The following STT3B variants were observed in gnomAD, a reference collection of about 807,000 sequenced individuals.
STT3B encodes the protein STT3 oligosaccharyltransferase complex catalytic subunit B, also known as dolichyl-diphosphooligosaccharide--protein glycosyltransferase subunit STT3B.
STT3B carries 29 observed loss-of-function variants against 96.8 expected under a neutral mutation model. The observed-to-expected ratio is 0.30, with a 90% CI of 0.22 to 0.41. STT3B has a LOEUF of 0.41. Ranked by LOEUF, STT3B falls within the 10% of genes least tolerant of loss-of-function variation. STT3B has a pLI of 1.00. For missense variants in STT3B, 640 were observed against 1,022.3 expected, an observed-to-expected ratio of 0.63 and a Z score of 5.10; for synonymous variants, 367 against 360.0, an observed-to-expected ratio of 1.02 and a Z score of -0.22.
chr3:31,574,582 T>C lies in STT3B; in HGVS notation c.315-1814T>C, dbSNP rs144038635. Among the ~76,000 whole-genome samples, 6 of 152,242 alleles carry C rather than the reference T, an allele frequency of 3.9e-5. No individual in the cohort carries two copies. In the East Asian group the frequency reaches 5.8e-4, roughly 15 times the overall value. On this transcript the variant is annotated intron_variant, in intron 1 of 15. Coordinates refer to ENST00000295770, the MANE Select transcript of STT3B (RefSeq NM_178862.3). Reference sequence around the variant, plus strand: ...GAAGATATCCCTTTTTAAATTCTGATCTGGTAAATACTTCTTGGAAGAGGA... The same window carrying C: ...GAAGATATCCCTTTTTAAATTCTGACCTGGTAAATACTTCTTGGAAGAGGA...
At chr3:31,569,830 A>G (rs1698096783) in intron 1 of STT3B, among the ~76,000 whole-genome samples, 1 of 151,982 alleles carries the variant, frequency 6.6e-6, no homozygotes, top group African/African-American at 2.4e-5. Flanking sequence ...GAGTGTGTGA[A>G]ATTTTCCATA....
At chr3:31,591,246 T>C (rs1164815333) in intron 3 of STT3B, among the ~76,000 whole-genome samples, 2 of 152,100 alleles carry the variant, frequency 1.3e-5, no homozygotes, top group Non-Finnish European at 2.9e-5. Flanking sequence ...CTAGGAATGT[T>C]GTCTTAAAAT....
intron 5 of STT3B, among the ~76,000 whole-genome samples, chr3:31,614,610 A>G (rs1699262430): frequency 6.6e-6 from 1 of 151,966 alleles, no homozygotes; most frequent in East Asian, 1.9e-4. Context: ...TATTTAACTC[A>G]TAGTACTATA....
intron 1 of STT3B, among the ~76,000 whole-genome samples, chr3:31,544,684 C>T (rs890538707): frequency 2.0e-5 from 3 of 152,288 alleles, no homozygotes; most frequent in South Asian, 4.1e-4. Flanking sequence ...AGCATTTGCA[C>T]GGGGCGCGGT....
intron 5 of STT3B, among the ~76,000 whole-genome samples, chr3:31,602,620 G>A (rs191142619): frequency 6.7e-5 from 10 of 150,106 alleles, no homozygotes; most frequent in African/African-American, 2.4e-4. Context: ...GATTTCAAAG[G>A]ATTAGAATTT....
At chr3:31,585,976 C>T (rs778753348) in intron 3 of STT3B, among the ~76,000 whole-genome samples, 9 of 152,022 alleles carry the variant, frequency 5.9e-5, no homozygotes, top group Non-Finnish European at 1.0e-4. Context: ...TGCATAAGCA[C>T]AGATTGGTGG....
In STT3B at chr3:31,617,019, G is replaced by C; in HGVS notation, c.1067G>C (p.Gly356Ala). The C allele has an allele frequency of 6.2e-7, 1 of 1,611,628 alleles. No individual in the cohort carries two copies. The highest frequency in any genetic ancestry group is 8.5e-7 in the Non-Finnish European group (1 of 1,178,226). The change falls in exon 7 of 16, where the codon GGT becomes GCT. Residue 356 changes from glycine to alanine, a missense_variant. Gly to Ala is a moderately conservative substitution (Grantham distance 60). Transcript: ENST00000295770. ...KQEFQTLFFLGVSLAAGAVFL... is the reference protein window; with the variant it reads ...KQEFQTLFFLAVSLAAGAVFL... Reference sequence around the variant, plus strand: ...GAGTTCCAGACCCTTTTCTTTTTGGGTGTATCACTAGCTGCAGGTGCTGTG... The same window carrying C: ...GAGTTCCAGACCCTTTTCTTTTTGGCTGTATCACTAGCTGCAGGTGCTGTG...
intron 7 of STT3B, 106 bp downstream of exon 7, chr3:31,617,181 T>TTTTTA: frequency 1.2e-6 from 1 of 808,148 alleles, no homozygotes; most frequent in Non-Finnish European, 1.7e-6. Flanking sequence ...CAAAGTGATT[T>TTTTTA]TTTTCTTTTT....
intron 5 of STT3B, among the ~76,000 whole-genome samples, chr3:31,603,470 T>G (rs969809375): frequency 1.3e-5 from 2 of 152,038 alleles, no homozygotes; most frequent in Admixed American, 1.3e-4. Context: ...TATTTTTGAC[T>G]TGGTGAATTT....
intron 7 of STT3B, among the ~76,000 whole-genome samples, chr3:31,617,733 T>TTC (rs1258521333): frequency 1.3e-5 from 2 of 152,068 alleles, no homozygotes; most frequent in African/African-American, 2.4e-5. Flanking sequence ...TGGAAGTGGG[T>TTC]TCTCCATGGA....
chr3:31,603,481 C>T (rs144922386), intron 5 of STT3B, among the ~76,000 whole-genome samples: 1 of 152,000 alleles, frequency 6.6e-6, no homozygotes, highest in East Asian at 1.9e-4. Flanking sequence ...TGGTGAATTT[C>T]ACTATATTGG....
At chr3:31,542,642 T>TA (rs1301298623) in intron 1 of STT3B, among the ~76,000 whole-genome samples, 1 of 152,204 alleles carries the variant, frequency 6.6e-6, no homozygotes, top group Non-Finnish European at 1.5e-5. Flanking sequence ...GAGAGTAATA[T>TA]AAATGGCTCA....
intron 3 of STT3B, among the ~76,000 whole-genome samples, chr3:31,588,256 A>C (rs1698590170): frequency 6.6e-6 from 1 of 152,034 alleles, no homozygotes; most frequent in South Asian, 2.1e-4. Flanking sequence ...ATGTATATGG[A>C]CTTTTTTTTT....
At chr3:31,600,494 G>A (rs1422360424) in intron 5 of STT3B, 35 bp downstream of exon 5, 1 of 966,294 alleles carries the variant, frequency 1.0e-6, no homozygotes, top group Non-Finnish European at 1.6e-6. Flanking sequence ...TGTCAACTAA[G>A]AGATGTTTTG....
chr3:31,614,139 A>T (rs1164077943), intron 5 of STT3B, among the ~76,000 whole-genome samples: 1 of 151,972 alleles, frequency 6.6e-6, no homozygotes, highest in Admixed American at 6.5e-5. Flanking sequence ...TGTGTAGTAC[A>T]CTATGCTACA....
chr3:31,553,263 C>G (rs943254805), intron 1 of STT3B, among the ~76,000 whole-genome samples: 1 of 152,056 alleles, frequency 6.6e-6, no homozygotes, highest in Non-Finnish European at 1.5e-5. Flanking sequence ...TAAGTATTCA[C>G]CCAAAGAAGT....
chr3:31,582,554 A>C (rs1447035677), intron 3 of STT3B, among the ~76,000 whole-genome samples: 1 of 151,658 alleles, frequency 6.6e-6, no homozygotes, highest in East Asian at 1.9e-4. Context: ...CGGCCTCCCA[A>C]AGTGCTAGGT....
chr3:31,607,124 A>G (rs558479566), intron 5 of STT3B, among the ~76,000 whole-genome samples: 2 of 152,254 alleles, frequency 1.3e-5, no homozygotes, highest in South Asian at 4.2e-4. Context: ...GTATCTAGGA[A>G]GTAACTAACT....
chr3:31,629,101 G>T (rs1699599335), intron 13 of STT3B, 197 bp from the exon 14 acceptor site: 1 of 483,432 alleles, frequency 2.1e-6, no homozygotes, highest in South Asian at 2.7e-5. Flanking sequence ...ACGAGACATT[G>T]TCTCAAAAAT....
Sources: allele counts gnomAD v4.1 joint callset (sites outside exome capture counted in the v4.1 genomes callset), GRCh38; gene constraint gnomAD v4.1.1; transcripts MANE v1.5; gene names NCBI Gene and HGNC (gene_info 2026-07-23, HGNC 2026-07-21).